The following RAB44 variants were observed in gnomAD, a reference collection of about 807,000 sequenced individuals.
The protein encoded by RAB44 is ras-related protein Rab-44.
A neutral mutation model predicts 93.3 loss-of-function variants in RAB44; 67 were observed. The ratio of observed to expected loss-of-function variants is 0.72; its 90% CI spans 0.59 to 0.88. The LOEUF is 0.88. Among genes scored for constraint, RAB44 ranks in the 40% least tolerant of loss-of-function variants. RAB44 has a pLI of 0.00. For missense variants in RAB44, 1,064 were observed against 1,261.7 expected, an observed-to-expected ratio of 0.84 and a Z score of 2.37; for synonymous variants, 427 against 520.3, an observed-to-expected ratio of 0.82 and a Z score of 2.44.
intron 1 of RAB44, among the ~76,000 whole-genome samples, chr6:36,702,730 T>C (rs140385139): frequency 2.6e-4 from 40 of 152,344 alleles, no homozygotes; most frequent in African/African-American, 8.4e-4. Flanking sequence ...CATAGCTTTA[T>C]GGGCCCCAGA....
chr6:36,713,938 C>G lies in RAB44; in HGVS notation c.318C>G (p.Leu106=). ...HLSLEEFSSG[L]KNIFGSSQSP... ...CCCTTGAAGAATTCAGCTCTGGACTCAGTATGTCTGTCTTTGGAGGGCCTC... is the reference window on the plus strand; with the variant it reads ...CCCTTGAAGAATTCAGCTCTGGACTGAGTATGTCTGTCTTTGGAGGGCCTC... Residue 106 remains leucine, a splice_region_variant and synonymous_variant, in exon 3 of 14, where the codon CTC becomes CTG. Transcript: ENST00000612677. 6.6e-7 allele frequency: 1 copy of G among 1,525,416 alleles called. No individual in the cohort carries two copies. Among genetic ancestry groups the G allele is most frequent in the South Asian group, 1.2e-5 (1 of 83,832 alleles). The allele number at this position is 1,525,416 out of a possible 1,614,324, so 94.5% of individuals were successfully genotyped here. A position where few individuals can be genotyped will look rare whatever the true frequency, so the allele number is the denominator to read the frequency against.
At chr6:36,720,281 T>A (rs980727555) in intron 7 of RAB44, 82 bp from the exon 8 acceptor site, 3 of 1,140,254 alleles carry the variant, frequency 2.6e-6, no homozygotes, top group Non-Finnish European at 3.3e-6. Flanking sequence ...GGTGGGGGTC[T>A]GTGTCCCACA....
chr6:36,721,308 C>A lies in RAB44; in HGVS notation c.1174C>A (p.Pro392Thr). 3.4e-6 allele frequency: 4 copies of A among 1,168,302 alleles called. No individual in the cohort carries two copies. Among genetic ancestry groups the A allele is most frequent in the Non-Finnish European group, 4.3e-6 (4 of 933,242 alleles). 72.4% of individuals were successfully genotyped at this position (1,168,302 alleles called of 1,614,324 possible). Residue 392 changes from proline (P) to threonine (T), a missense_variant, in exon 9 of 14, where the codon CCC becomes ACC. Coordinates refer to ENST00000612677, the MANE Select transcript of RAB44 (RefSeq NM_001257357.2). Reference sequence around the variant, plus strand: ...AGCCCTGCAGCTCTGCTGGAGCCCGCCCCCGACCCCAAGAGCCACCTCAGG... The same window carrying A: ...AGCCCTGCAGCTCTGCTGGAGCCCGACCCCGACCCCAAGAGCCACCTCAGG... ...HGALQLCWSP[P>T]PTPRATSGPQ... is the part of the protein sequence containing the mutation.
intron 1 of RAB44, among the ~76,000 whole-genome samples, chr6:36,701,111 A>G (rs1762498460): frequency 6.6e-6 from 1 of 152,034 alleles, no homozygotes; most frequent in Non-Finnish European, 1.5e-5. Context: ...GCTTTTTATT[A>G]GAAAGACTTT....
chr6:36,720,260 C>G (rs1763038251), intron 7 of RAB44, 103 bp from the exon 8 acceptor site: 1 of 1,012,458 alleles, frequency 9.9e-7, no homozygotes, highest in Non-Finnish European at 1.3e-6. Context: ...TCTCCAGGAG[C>G]CTGGACAGGG....
In RAB44 at chr6:36,713,694, G is replaced by A. The variant is rs1455289923; in HGVS notation, c.208-134G>A. 4 of 649,604 alleles carry A rather than the reference G, an allele frequency of 6.2e-6. No homozygotes were observed. The Admixed American group carries it at 8.8e-5, about 14-fold the overall frequency. 40.2% of individuals were successfully genotyped at this position (649,604 alleles called of 1,614,324 possible). On this transcript the variant is annotated intron_variant, in intron 2 of 13. Coordinates refer to ENST00000612677, the MANE Select transcript of RAB44 (RefSeq NM_001257357.2). ...TTGGGAATGTCAAGCTTAGGCCCTGGGTCAGGTTACTGGAGGGACTCTGAC... is the reference window on the plus strand; with the variant it reads ...TTGGGAATGTCAAGCTTAGGCCCTGAGTCAGGTTACTGGAGGGACTCTGAC...
At chr6:36,718,998 T>C (rs1465437306) in intron 7 of RAB44, among the ~76,000 whole-genome samples, 1 of 151,834 alleles carries the variant, frequency 6.6e-6, no homozygotes, top group Non-Finnish European at 1.5e-5. Context: ...TCCGCCTCAG[T>C]TCACCTCAGG....
chr6:36,705,836 C>T (rs528746776), intron 2 of RAB44, among the ~76,000 whole-genome samples: 1 of 151,870 alleles, frequency 6.6e-6, no homozygotes, highest in East Asian at 1.9e-4. Flanking sequence ...AGTATTGAGA[C>T]ATTTTAGCTT....
Position 36,717,630 on chromosome 6 carries a change from T to C in RAB44, c.641+211T>C, listed in dbSNP as rs1762954945. On this transcript the variant is annotated intron_variant, in intron 5 of 13. Transcript: ENST00000612677. This position sits in a 1 kb window ranked among gnomAD's most constrained non-coding sequence, Gnocchi z 4.1. ...GTGGGAAGGGCAGGGTGTGTCTTGG[T>C]ACAGGACCCACTGTGACGCCCAACT... 6.6e-6 allele frequency among the ~76,000 whole-genome samples: 1 copy of C among 151,646 alleles called. No homozygotes were observed. The highest frequency in any genetic ancestry group is 2.1e-4 in the South Asian group (1 of 4,792).
rs115892330 is a variant in RAB44 at position 36,722,096 on chromosome 6, C to T, written c.1962C>T (p.Gly654=). Residue 654 remains glycine, a synonymous_variant, in exon 9 of 14, where the codon GGC becomes GGT. Transcript: ENST00000612677. ...CTGAGGGGCTAAGAGAAGCTCATGGCCAGGTCCTTGGGCTGGGTGAGCTGT... is the reference window on the plus strand; with the variant it reads ...CTGAGGGGCTAAGAGAAGCTCATGGTCAGGTCCTTGGGCTGGGTGAGCTGT... ...GLPEGLREAH[G]QVLGLGELSA... is the part of the protein sequence containing the mutation. 1,205 of 1,234,610 alleles carry T rather than the reference C, an allele frequency of 9.8e-4. 6 individuals carry two copies. The African/African-American group carries it at 0.017, about 18-fold the overall frequency. 76.5% of individuals were successfully genotyped at this position (1,234,610 alleles called of 1,614,324 possible).
chr6:36,711,926 G>A (rs1257907514), intron 2 of RAB44, among the ~76,000 whole-genome samples: 1 of 151,298 alleles, frequency 6.6e-6, no homozygotes, highest in African/African-American at 2.4e-5. Context: ...AGAGTTAAAG[G>A]CCTGTCTATT....
In RAB44 at chr6:36,713,590, C is replaced by T. The variant is rs538020485; in HGVS notation, c.208-238C>T. Among the ~76,000 whole-genome samples, 58 of 152,250 alleles carry T rather than the reference C, an allele frequency of 3.8e-4. No homozygotes were observed. The South Asian group carries it at 6.0e-3, about 16-fold the overall frequency. ...AAAGACATGGGACTTAGGACACGTA[C>T]GTTTTGATTTTGGATGGAGAGAGTG... is the stretch of plus-strand genomic sequence containing the variant. On this transcript the variant is annotated intron_variant, in intron 2 of 13. Coordinates refer to ENST00000612677, the MANE Select transcript of RAB44 (RefSeq NM_001257357.2).
chr6:36,715,686 G>T, intron 4 of RAB44, 33 bp downstream of exon 4: 1 of 1,529,214 alleles, frequency 6.5e-7, no homozygotes, highest in African/African-American at 1.4e-5. Flanking sequence ...ATGGGGAGAG[G>T]CTCTGCCAGC....
chr6:36,729,640 G>A lies in RAB44; in HGVS notation c.2898+839G>A, dbSNP rs184953963. Among the ~76,000 whole-genome samples, 268 of 152,048 alleles carry A rather than the reference G, an allele frequency of 1.8e-3. 1 individual carries two copies. The highest frequency in any genetic ancestry group is 5.9e-3 in the African/African-American group (244 of 41,448). On this transcript the variant is annotated intron_variant, in intron 12 of 13. Coordinates refer to ENST00000612677, the MANE Select transcript of RAB44 (RefSeq NM_001257357.2). ...TGGGATTACAGGCATGTGCCACCAC[G>A]CCCGGCTAATTTTTGTATTTTTAGT...
In RAB44 at chr6:36,702,691, T is replaced by A. The variant is rs561482696; in HGVS notation, c.-12-1533T>A. Among the ~76,000 whole-genome samples, 3 of 152,362 alleles carry A rather than the reference T, an allele frequency of 2.0e-5. No homozygotes were observed. The South Asian group carries it at 6.2e-4, about 32-fold the overall frequency. On this transcript the variant is annotated intron_variant, in intron 1 of 13. Coordinates refer to ENST00000612677, the MANE Select transcript of RAB44 (RefSeq NM_001257357.2). ...CCACCACTTGCAGGAAGCTGCCCTG[T>A]CTGTCTGGACATCAAGTCCTTCTCA...
rs1008188803 is a variant in RAB44 at position 36,732,362 on chromosome 6, G to A, written c.*269G>A. On this transcript the variant is annotated 3_prime_UTR_variant, in exon 14 of 14. Transcript: ENST00000612677. The stretch of plus-strand genomic sequence containing the variant: ...AGAAAGTCTAGAAAAACGACTTAAG[G>A]AAAATACACCAAAATATTGGCCGCA... 4.5e-6 allele frequency: 1 copy of A among 222,318 alleles called. No homozygotes were observed. The highest frequency in any genetic ancestry group is 9.3e-5 in the East Asian group (1 of 10,774). 13.8% of individuals were successfully genotyped at this position (222,318 alleles called of 1,614,324 possible).
Position 36,718,600 on chromosome 6 carries a change from G to T in RAB44, c.828+12G>T. ...AGGGCCAGAGGGAGGTGAGTAATAG[G>T]GTTTCCCAGAAACCTACTTCCGAAC... On this transcript the variant is annotated intron_variant, in intron 7 of 13. Transcript: ENST00000612677. 8.2e-7 allele frequency: 1 copy of T among 1,221,588 alleles called. No homozygotes were observed. The highest frequency in any genetic ancestry group is 1.0e-6 in the Non-Finnish European group (1 of 976,492). 75.7% of individuals were successfully genotyped at this position (1,221,588 alleles called of 1,614,324 possible).
intron 1 of RAB44, among the ~76,000 whole-genome samples, chr6:36,698,364 G>A (rs938560072): frequency 1.3e-5 from 2 of 152,196 alleles, no homozygotes; most frequent in African/African-American, 4.8e-5. Flanking sequence ...GATACCCGGA[G>A]GCCCCAGGCA....
chr6:36,704,893 G>A (rs975883109), intron 2 of RAB44, among the ~76,000 whole-genome samples: 28 of 152,178 alleles, frequency 1.8e-4, no homozygotes, highest in Admixed American at 9.8e-4. Context: ...GCCGAGGCGG[G>A]CGGATCACTT....
Sources: allele counts gnomAD v4.1 joint callset (sites outside exome capture counted in the v4.1 genomes callset), GRCh38; gene constraint gnomAD v4.1.1; non-coding constraint Gnocchi (gnomAD v3.1); transcripts MANE v1.5; gene names NCBI Gene and HGNC (gene_info 2026-07-23, HGNC 2026-07-21).